The following CSNK1E variants were observed in gnomAD, a reference collection of about 807,000 sequenced individuals.
CSNK1E encodes casein kinase 1 epsilon.
In CSNK1E, 17 loss-of-function variants were observed where a neutral mutation model predicts 46.1. The observed-to-expected ratio is 0.37, with a 90% CI of 0.25 to 0.55. The LOEUF is 0.55. CSNK1E is among the 20% of genes least tolerant of loss of function. The pLI is 0.82. For missense variants in CSNK1E, 386 were observed against 595.4 expected, an observed-to-expected ratio of 0.65 and a Z score of 3.66; for synonymous variants, 241 against 242.6, an observed-to-expected ratio of 0.99 and a Z score of 0.06.
intron 2 of CSNK1E, among the ~76,000 whole-genome samples, chr22:38,306,891 T>C (rs1005352987): frequency 1.3e-5 from 2 of 152,008 alleles, no homozygotes; most frequent in African/African-American, 4.8e-5. Context: ...CAATAAGAAA[T>C]AGGTTGGGTG....
chr22:38,297,539 G>A (rs1189985308), intron 7 of CSNK1E: 25 of 1,016,210 alleles, frequency 2.5e-5, no homozygotes, highest in Non-Finnish European at 2.4e-5. Flanking sequence ...GGAGAACAGA[G>A]CCTTGGTCCT....
chr22:38,299,068 CAG>C, intron 6 of CSNK1E, 134 bp from the exon 7 acceptor site: 1 of 980,366 alleles, frequency 1.0e-6, no homozygotes, highest in East Asian at 2.5e-5. Flanking sequence ...AAGGAGGCAA[CAG>C]AGCCATGGCC....
chr22:38,311,778 G>GCC (rs1285178862), intron 2 of CSNK1E, among the ~76,000 whole-genome samples: 1 of 151,660 alleles, frequency 6.6e-6, no homozygotes, highest in Admixed American at 6.6e-5. Context: ...ACCTGGACTG[G>GCC]CCCCCACATC....
At chr22:38,296,329 CTG>C (rs2092640239) in intron 7 of CSNK1E, 1 of 1,336,618 alleles carries the variant, frequency 7.5e-7, no homozygotes, top group African/African-American at 1.5e-5. Context: ...GGCCAGCTGA[CTG>C]GACCTCGGAA....
chr22:38,303,119 C>T lies in CSNK1E; in HGVS notation c.187+19G>A, dbSNP rs758705113. The T allele has an allele frequency of 6.2e-7, 1 of 1,601,214 alleles. No individual in the cohort carries two copies. Among genetic ancestry groups the T allele is most frequent in the South Asian group, 1.1e-5 (1 of 90,434 alleles). ...ACCGCCACCCACCCGGCGCCCGCCG[C>T]CGCCCACCCTGCGCTCACCGCCACC... On this transcript the variant is annotated intron_variant, in intron 3 of 10. Coordinates refer to ENST00000396832, the MANE Select transcript of CSNK1E (RefSeq NM_152221.3). This position sits in a 1 kb window ranked among gnomAD's most constrained non-coding sequence, Gnocchi z 4.7.
rs541292684 is a variant in CSNK1E at position 38,303,783 on chromosome 22, G to A, written c.77-535C>T. 2.0e-5 allele frequency among the ~76,000 whole-genome samples: 3 copies of A among 152,236 alleles called. No individual in the cohort carries two copies. The highest frequency in any genetic ancestry group is 1.9e-4 in the East Asian group (1 of 5,184). ...CACATTCTAATCCAGTGTCTCATTC[G>A]ATTCTCAACCCCCTTGTAGAGATGA... On this transcript the variant is annotated intron_variant, in intron 2 of 10. Transcript: ENST00000396832. The surrounding 1 kb of genome is among the most constrained non-coding windows in gnomAD (Gnocchi z 4.7).
At chr22:38,297,631 TG>T (rs1267248060) in intron 7 of CSNK1E, 1 of 994,402 alleles carries the variant, frequency 1.0e-6, no homozygotes, top group African/African-American at 1.7e-5. Flanking sequence ...TAATGAGTTC[TG>T]GTTCAACACA....
Position 38,300,351 on chromosome 22 carries a change from C to T in CSNK1E, c.566-286G>A, listed in dbSNP as rs1052172572. ...TACTGCCCCCTTGCCTGGCCCACCC[C>T]GTGGAGAGGTCACAAGCTTCAGCAT... On this transcript the variant is annotated intron_variant, in intron 5 of 10. Coordinates refer to ENST00000396832, the MANE Select transcript of CSNK1E (RefSeq NM_152221.3). The surrounding 1 kb of genome is among the most constrained non-coding windows in gnomAD (Gnocchi z 4.4). 2.0e-5 allele frequency among the ~76,000 whole-genome samples: 3 copies of T among 152,322 alleles called. 1 individual carries two copies. The highest frequency in any genetic ancestry group is 4.1e-4 in the South Asian group (2 of 4,826).
At chr22:38,297,243 T>C in intron 7 of CSNK1E, 1 of 712,824 alleles carries the variant, frequency 1.4e-6, no homozygotes, top group Non-Finnish European at 2.6e-6. Context: ...ACTATCTCGA[T>C]AAGAAAGTGC....
Position 38,298,721 on chromosome 22 carries a change from G to C in CSNK1E, c.885+65C>G. The C allele has an allele frequency of 6.3e-7, 1 of 1,590,330 alleles. No individual in the cohort carries two copies. The highest frequency in any genetic ancestry group is 8.6e-7 in the Non-Finnish European group (1 of 1,161,980). On this transcript the variant is annotated intron_variant, in intron 7 of 10. Coordinates refer to ENST00000396832, the MANE Select transcript of CSNK1E (RefSeq NM_152221.3). The surrounding 1 kb of genome is among the most constrained non-coding windows in gnomAD (Gnocchi z 4.2). ...CCCCTCCCGCCACCAGCTCACTCTG[G>C]CCCTCTGAGTCAGGGCCTTCCCCAT... is the stretch of plus-strand genomic sequence containing the variant.
Position 38,294,317 on chromosome 22 carries a change from G to A in CSNK1E, c.1078+25C>T. On this transcript the variant is annotated intron_variant, in intron 8 of 10. Transcript: ENST00000396832. The surrounding 1 kb of genome is among the most constrained non-coding windows in gnomAD (Gnocchi z 5.5). ...GAGCCCCCCACCCACCCTGAACCCA[G>A]CCCACTGCCTGAGTCCCTGCTCACC... 6.4e-7 allele frequency: 1 copy of A among 1,566,938 alleles called. No individual in the cohort carries two copies. The highest frequency in any genetic ancestry group is 8.6e-7 in the Non-Finnish European group (1 of 1,157,008).
intron 2 of CSNK1E, among the ~76,000 whole-genome samples, chr22:38,305,944 G>GA (rs1335506325): frequency 1.3e-5 from 2 of 152,178 alleles, no homozygotes; most frequent in Non-Finnish European, 2.9e-5. Context: ...ACAAGGCGGG[G>GA]ACAAGGCTGT....
At chr22:38,302,519 C>T (rs937357252) in intron 4 of CSNK1E, among the ~76,000 whole-genome samples, 4 of 152,044 alleles carry the variant, frequency 2.6e-5, no homozygotes, top group South Asian at 2.1e-4. Flanking sequence ...CTAAGATGGG[C>T]GGATCACTTG....
chr22:38,297,016 C>G (rs981691014), intron 7 of CSNK1E: 1 of 692,628 alleles, frequency 1.4e-6, no homozygotes, highest in Non-Finnish European at 2.7e-6. Flanking sequence ...TCAAGTCATC[C>G]GCCCTCTATG....
At position 38,298,455 on chromosome 22, in the gene CSNK1E, C is replaced by T. The variant is rs967095673; in HGVS notation, c.885+331G>A. The T allele has an allele frequency of 3.7e-5, 14 of 380,592 alleles. No homozygotes were observed. Among genetic ancestry groups the T allele is most frequent in the African/African-American group, 1.3e-4 (6 of 47,650 alleles). The allele number at this position is 380,592 out of a possible 1,614,324, so 23.6% of individuals were successfully genotyped here. A position where few individuals can be genotyped will look rare whatever the true frequency, so the allele number is the denominator to read the frequency against. ...GATGTGCAGAACAGGAGCAGCAGGA[C>T]GGTGTAGGCAGCAATCAGGGCAGCA... On this transcript the variant is annotated intron_variant, in intron 7 of 10. Coordinates refer to ENST00000396832, the MANE Select transcript of CSNK1E (RefSeq NM_152221.3). The surrounding 1 kb of genome is among the most constrained non-coding windows in gnomAD (Gnocchi z 4.2).
chr22:38,297,569 T>G (rs2145831542), intron 7 of CSNK1E: 1 of 1,002,642 alleles, frequency 1.0e-6, no homozygotes, highest in Middle Eastern at 5.0e-4. Context: ...GCAGGGTGGC[T>G]GAGGGCCCTG....
intron 1 of CSNK1E, among the ~76,000 whole-genome samples, chr22:38,315,689 C>T (rs545121418): frequency 3.8e-4 from 57 of 149,058 alleles, no homozygotes; most frequent in African/African-American, 1.4e-3. Flanking sequence ...TTTCTGCCAA[C>T]ACCAATTCAG....
intron 1 of CSNK1E, among the ~76,000 whole-genome samples, chr22:38,314,458 C>G (rs537054296): frequency 6.6e-6 from 1 of 152,210 alleles, no homozygotes; most frequent in African/African-American, 2.4e-5. Flanking sequence ...GGGATCACAA[C>G]GGGCATCAGC....
At chr22:38,305,334 A>T (rs1281744963) in intron 2 of CSNK1E, among the ~76,000 whole-genome samples, 1 of 151,984 alleles carries the variant, frequency 6.6e-6, no homozygotes, top group African/African-American at 2.4e-5. Context: ...TTAATAAGAA[A>T]TAACAATGAA....
Sources: gnomAD v4.1 joint callset for allele counts (sites outside exome capture counted in the v4.1 genomes callset) on GRCh38, gnomAD v4.1.1 for gene constraint, Gnocchi (gnomAD v3.1) non-coding constraint, MANE v1.5 for transcripts, NCBI Gene and HGNC (gene_info 2026-07-23, HGNC 2026-07-21) for gene names.